Variants in BRIP1 observed in about 807,000 individuals in gnomAD.
BRIP1 encodes Fanconi anemia group J protein.
Under a neutral mutation model 119.7 loss-of-function variants are expected in BRIP1, and 88 were observed. The ratio of observed to expected loss-of-function variants is 0.74; its 90% CI spans 0.62 to 0.88. BRIP1 has a LOEUF of 0.88. BRIP1 is among the 40% of genes least tolerant of loss of function. BRIP1 has a pLI of 0.00. For synonymous variants in BRIP1, 443 were observed against 496.5 expected, an observed-to-expected ratio of 0.89 and a Z score of 1.43; for missense variants, 1,259 against 1,455.4, an observed-to-expected ratio of 0.87 and a Z score of 2.20.
At chr17:61,688,082 C>T (rs2144133867) in intron 18 of BRIP1, among the ~76,000 whole-genome samples, 1 of 152,282 alleles carries the variant, frequency 6.6e-6, no homozygotes, top group South Asian at 2.1e-4. Flanking sequence ...CATCCAACAT[C>T]TTGGCTTTTC....
In BRIP1 at chr17:61,799,095, C is replaced by G. The variant is rs869312791; in HGVS notation, c.1340+5G>C. The G allele has an allele frequency of 7.5e-6, 12 of 1,609,622 alleles. No individual in the cohort carries two copies. The highest frequency in any genetic ancestry group is 1.0e-5 in the Non-Finnish European group (12 of 1,176,056). Reference sequence around the variant, plus strand: ...ACAAATACACTAATAGACAAATCTTCTTACTTAATGAGGCTACAGCACACA... The same window carrying G: ...ACAAATACACTAATAGACAAATCTTGTTACTTAATGAGGCTACAGCACACA... On this transcript the variant is annotated splice_donor_5th_base_variant and intron_variant, in intron 9 of 19. Transcript: ENST00000259008. The surrounding 1 kb of genome is among the most constrained non-coding windows in gnomAD (Gnocchi z 5.1).
In BRIP1 at chr17:61,746,711, A is replaced by G. The variant is rs2077062736; in HGVS notation, c.2098-2120T>C. 6.6e-6 allele frequency among the ~76,000 whole-genome samples: 1 copy of G among 152,164 alleles called. No individual in the cohort carries two copies. The highest frequency in any genetic ancestry group is 2.4e-5 in the African/African-American group (1 of 41,444). On this transcript the variant is annotated intron_variant, in intron 14 of 19. Transcript: ENST00000259008. This position sits in a 1 kb window ranked among gnomAD's most constrained non-coding sequence, Gnocchi z 4.9. The stretch of plus-strand genomic sequence containing the variant: ...TAGCAAGCAAATAGTGATTGTACTG[A>G]AGAGAGAAATAAACAGCAATATAAG...
In BRIP1 at chr17:61,725,935, C is replaced by A. The variant is rs905243408; in HGVS notation, c.2380-9872G>T. Among the ~76,000 whole-genome samples the A allele has an allele frequency of 6.6e-6, 1 of 152,144 alleles. No homozygotes were observed. Among genetic ancestry groups the A allele is most frequent in the African/African-American group, 2.4e-5 (1 of 41,432 alleles). ...TCCACCATGCCTGGCCTAAAAAATT[C>A]TTTTTAAGAGTAATGACCTTTGTGT... On this transcript the variant is annotated intron_variant, in intron 16 of 19. Transcript: ENST00000259008. This position sits in a 1 kb window ranked among gnomAD's most constrained non-coding sequence, Gnocchi z 5.3.
chr17:61,838,197 T>C (rs2078602933), intron 6 of BRIP1, among the ~76,000 whole-genome samples: 1 of 152,122 alleles, frequency 6.6e-6, no homozygotes. Flanking sequence ...AAAAATACTG[T>C]ACTCCCTAGT....
rs2061813328 is a variant in BRIP1 at position 61,713,634 on chromosome 17, G to GC, written c.2492+2316dup. 6.6e-6 allele frequency among the ~76,000 whole-genome samples: 1 copy of GC among 151,116 alleles called. No homozygotes were observed. The highest frequency in any genetic ancestry group is 1.5e-5 in the Non-Finnish European group (1 of 67,874). ...CCTCCCGGGTTCAAGTAATTCTCCT[G>GC]CCCCAGCCTCCCAAGTAGCTGGGAT... On this transcript the variant is annotated intron_variant, in intron 17 of 19. Coordinates refer to ENST00000259008, the MANE Select transcript of BRIP1 (RefSeq NM_032043.3). This position sits in a 1 kb window ranked among gnomAD's most constrained non-coding sequence, Gnocchi z 4.9.
intron 6 of BRIP1, among the ~76,000 whole-genome samples, chr17:61,838,552 A>G (rs2078610199): frequency 7.7e-6 from 1 of 129,864 alleles, no homozygotes; most frequent in African/African-American, 3.4e-5. Flanking sequence ...TCAAAAAATA[A>G]ATAAATAAAT....
chr17:61,768,617 G>C lies in BRIP1; in HGVS notation c.2097+7784C>G, dbSNP rs947123599. On this transcript the variant is annotated intron_variant, in intron 14 of 19. Transcript: ENST00000259008. This position sits in a 1 kb window ranked among gnomAD's most constrained non-coding sequence, Gnocchi z 5.0. Reference sequence around the variant, plus strand: ...CATAGTCACAAATCTTTATTCTAATGGTTCTTCCTAACCTTTTTCTTACCC... The same window carrying C: ...CATAGTCACAAATCTTTATTCTAATCGTTCTTCCTAACCTTTTTCTTACCC... Among the ~76,000 whole-genome samples the C allele has an allele frequency of 2.0e-5, 3 of 151,842 alleles. No individual in the cohort carries two copies. Among genetic ancestry groups the C allele is most frequent in the Non-Finnish European group, 4.4e-5 (3 of 67,958 alleles).
Position 61,683,136 on chromosome 17 carries a change from A to C in BRIP1, c.*160T>G. ...ACAGACCAAGACTCTGTCTCAAAAA[A>C]AAAAACCCAAAAACTCAAGAATAAT... On this transcript the variant is annotated 3_prime_UTR_variant, in exon 20 of 20. Coordinates refer to ENST00000259008, the MANE Select transcript of BRIP1 (RefSeq NM_032043.3). This position sits in a 1 kb window ranked among gnomAD's most constrained non-coding sequence, Gnocchi z 4.7. The C allele has an allele frequency of 4.3e-6, 4 of 938,934 alleles. No homozygotes were observed. The highest frequency in any genetic ancestry group is 3.5e-4 in the Middle Eastern group (1 of 2,834). The allele number at this position is 938,934 out of a possible 1,614,324, so 58.2% of individuals were successfully genotyped here.
intron 6 of BRIP1, among the ~76,000 whole-genome samples, chr17:61,817,486 A>G (rs994137838): frequency 2.8e-4 from 43 of 152,226 alleles, no homozygotes; most frequent in East Asian, 2.5e-3. Flanking sequence ...TAAACAAAAC[A>G]TATGACATAG....
rs1245304014 is a variant in BRIP1 at position 61,799,927 on chromosome 17, T to TG, written c.1141-629dup. Among the ~76,000 whole-genome samples the TG allele has an allele frequency of 6.6e-6, 1 of 151,990 alleles. No individual in the cohort carries two copies. Among genetic ancestry groups the TG allele is most frequent in the Non-Finnish European group, 1.5e-5 (1 of 67,994 alleles). ...TCAAAGGACATCACCACTTTCACAA[T>TG]GGGGGTAAGGCCCAGGATTGTCAGT... On this transcript the variant is annotated intron_variant, in intron 8 of 19. Transcript: ENST00000259008. The surrounding 1 kb of genome is among the most constrained non-coding windows in gnomAD (Gnocchi z 5.1).
In BRIP1 at chr17:61,816,346, T is replaced by C. The variant is rs145794077; in HGVS notation, c.628-7589A>G. On this transcript the variant is annotated intron_variant, in intron 6 of 19. Coordinates refer to ENST00000259008, the MANE Select transcript of BRIP1 (RefSeq NM_032043.3). The surrounding 1 kb of genome is among the most constrained non-coding windows in gnomAD (Gnocchi z 5.0). ...GTAACAGACTGCCAGTCTCCTGGAATGTGTAACTGAAGTCACTCAAATTCT... is the reference window on the plus strand; with the variant it reads ...GTAACAGACTGCCAGTCTCCTGGAACGTGTAACTGAAGTCACTCAAATTCT... Among the ~76,000 whole-genome samples, 1 of 152,352 alleles carries C rather than the reference T, an allele frequency of 6.6e-6. No individual in the cohort carries two copies. Among genetic ancestry groups the C allele is most frequent in the East Asian group, 1.9e-4 (1 of 5,192 alleles).
rs890995270 is a variant in BRIP1, at chr17:61,805,146, A to G, written c.918+3321T>C. 2.0e-5 allele frequency among the ~76,000 whole-genome samples: 3 copies of G among 152,222 alleles called. No homozygotes were observed. The highest frequency in any genetic ancestry group is 2.9e-5 in the Non-Finnish European group (2 of 68,040). Reference sequence around the variant, plus strand: ...GAGAATCCGTGTTTTCAAAACATACATACATCAATACATACACAAATGTAT... The same window carrying G: ...GAGAATCCGTGTTTTCAAAACATACGTACATCAATACATACACAAATGTAT... On this transcript the variant is annotated intron_variant, in intron 7 of 19. Transcript: ENST00000259008. This position sits in a 1 kb window ranked among gnomAD's most constrained non-coding sequence, Gnocchi z 5.6.
rs1192524214 is a variant in BRIP1, at chr17:61,699,534, A to G, written c.2493-6022T>C. Among the ~76,000 whole-genome samples, 1 of 152,224 alleles carries G rather than the reference A, an allele frequency of 6.6e-6. No homozygotes were observed. The highest frequency in any genetic ancestry group is 1.5e-5 in the Non-Finnish European group (1 of 68,040). ...AAATTGCCAACTTAATTTCAATAGT[A>G]CAAAAAAATGGTCCTTCTGTTCCCT... On this transcript the variant is annotated intron_variant, in intron 17 of 19. Coordinates refer to ENST00000259008, the MANE Select transcript of BRIP1 (RefSeq NM_032043.3). This position sits in a 1 kb window ranked among gnomAD's most constrained non-coding sequence, Gnocchi z 4.8.
At chr17:61,800,547 T>C (rs1375223859) in intron 8 of BRIP1, among the ~76,000 whole-genome samples, 1 of 152,204 alleles carries the variant, frequency 6.6e-6, no homozygotes, top group African/African-American at 2.4e-5. Context: ...ATATGAACTT[T>C]ATCTCATGAG....
intron 3 of BRIP1, 35 bp downstream of exon 3, chr17:61,859,761 A>C: frequency 7.5e-7 from 1 of 1,335,560 alleles, no homozygotes; most frequent in Non-Finnish European, 1.1e-6. Flanking sequence ...CTCAGATCCC[A>C]GTAAGTAACC....
Position 61,751,204 on chromosome 17 carries a change from G to A in BRIP1, c.2098-6613C>T, listed in dbSNP as rs1250392726. On this transcript the variant is annotated intron_variant, in intron 14 of 19. Transcript: ENST00000259008. This position sits in a 1 kb window ranked among gnomAD's most constrained non-coding sequence, Gnocchi z 6.7. ...GAATATGGATAAACCCATAGTAAGT[G>A]AAAAAAGCCACTGTATTTTTGTACA... 1.3e-5 allele frequency among the ~76,000 whole-genome samples: 2 copies of A among 152,090 alleles called. No homozygotes were observed. Among genetic ancestry groups the A allele is most frequent in the Admixed American group, 6.6e-5 (1 of 15,266 alleles).
Position 61,848,383 on chromosome 17 carries a change from T to A in BRIP1, c.507+746A>T, listed in dbSNP as rs1007920755. 6.6e-6 allele frequency among the ~76,000 whole-genome samples: 1 copy of A among 152,038 alleles called. No homozygotes were observed. The highest frequency in any genetic ancestry group is 1.5e-5 in the Non-Finnish European group (1 of 67,984). ...TGCCACCACACCCGGTCTTTTTTTT[T>A]ACTTTTTTGTGGAGACAGGAGCCTT... On this transcript the variant is annotated intron_variant, in intron 5 of 19. Transcript: ENST00000259008. This position sits in a 1 kb window ranked among gnomAD's most constrained non-coding sequence, Gnocchi z 4.3.
chr17:61,763,726 G>A (rs1000987348), intron 14 of BRIP1, among the ~76,000 whole-genome samples: 11 of 152,090 alleles, frequency 7.2e-5, no homozygotes, highest in African/African-American at 2.4e-4. Context: ...TAGAGATTGG[G>A]AGAGTTCGCT....
chr17:61,720,905 A>G lies in BRIP1; in HGVS notation c.2380-4842T>C, dbSNP rs899283107. On this transcript the variant is annotated intron_variant, in intron 16 of 19. Transcript: ENST00000259008. The surrounding 1 kb of genome is among the most constrained non-coding windows in gnomAD (Gnocchi z 4.3). ...ATTGCCCAGGCTGGAGTGCAGTGAC[A>G]TGATCTTGGCTCACTGCAACCTCCG... 2.0e-5 allele frequency among the ~76,000 whole-genome samples: 3 copies of G among 151,962 alleles called. No individual in the cohort carries two copies. The highest frequency in any genetic ancestry group is 2.4e-5 in the African/African-American group (1 of 41,380).
Sources: gnomAD v4.1 joint callset for allele counts (sites outside exome capture counted in the v4.1 genomes callset) on GRCh38, gnomAD v4.1.1 for gene constraint, Gnocchi (gnomAD v3.1) non-coding constraint, MANE v1.5 for transcripts, NCBI Gene and HGNC (gene_info 2026-07-23, HGNC 2026-07-21) for gene names.